The following SIRT5 variants were observed in gnomAD, a reference collection of about 807,000 sequenced individuals.
The protein encoded by SIRT5 is sirtuin 5.
SIRT5 carries 26 observed loss-of-function variants against 40.0 expected under a neutral mutation model. The observed-to-expected ratio is 0.65, with a 90% CI of 0.48 to 0.90. The LOEUF is 0.90. Among genes scored for constraint, SIRT5 ranks in the 40% least tolerant of loss-of-function variants. SIRT5 has a pLI of 0.00. For missense variants in SIRT5, 401 were observed against 402.4 expected (o/e 1.00, Z 0.03); for synonymous variants, 146 against 149.1 (o/e 0.98, Z 0.15).
intron 1 of SIRT5, among the ~76,000 whole-genome samples, chr6:13,578,632 A>G (rs992179765): frequency 7.3e-5 from 11 of 151,458 alleles, no homozygotes; most frequent in East Asian, 1.9e-4. Context: ...AAAAAAAAAA[A>G]AAAAAGAAAA....
chr6:13,574,533 G>A (rs1274860606), upstream of SIRT5: 1 of 152,316 alleles, frequency 6.6e-6, no homozygotes, highest in Non-Finnish European at 1.5e-5. Context: ...GAAGGGATGT[G>A]GGGGATGGTG....
chr6:13,590,442 T>C (rs1056391343), intron 4 of SIRT5, among the ~76,000 whole-genome samples: 15 of 152,210 alleles, frequency 9.9e-5, no homozygotes, highest in Admixed American at 9.2e-4. Flanking sequence ...TGTGTTTAGT[T>C]GTGTGTGTAG....
intron 9 of SIRT5, among the ~76,000 whole-genome samples, chr6:13,609,095 T>C (rs1763502644): frequency 6.6e-6 from 1 of 152,218 alleles, no homozygotes; most frequent in African/African-American, 2.4e-5. Context: ...GTGCTGGAAT[T>C]ACAGGCGTGA....
In SIRT5 at chr6:13,612,340, C is replaced by CT. The variant is rs368093809; in HGVS notation, c.*492dup. The CT allele has an allele frequency of 0.19, 24,966 of 133,384 alleles. 2,530 individuals carry two copies. Among genetic ancestry groups the CT allele is most frequent in the African/African-American group, 0.25 (8,979 of 35,898 alleles). The allele number at this position is 133,384 out of a possible 1,614,324, so 8.3% of individuals were successfully genotyped here. A position where few individuals can be genotyped will look rare whatever the true frequency, so the allele number is the denominator to read the frequency against. Reference sequence around the variant, plus strand: ...CCCCACGATATGGCTTTATTAGGGACTTTTTTTTTTTTTTTTTGAGACAGA... The same window carrying CT: ...CCCCACGATATGGCTTTATTAGGGACTTTTTTTTTTTTTTTTTTGAGACAGA... On this transcript the variant is annotated 3_prime_UTR_variant, in exon 10 of 10. Coordinates refer to ENST00000606117, the MANE Select transcript of SIRT5 (RefSeq NM_012241.5).
At chr6:13,586,277 GTT>G (rs528440767) in intron 3 of SIRT5, among the ~76,000 whole-genome samples, 222 of 152,274 alleles carry the variant, frequency 1.5e-3, no homozygotes, top group Admixed American at 3.7e-3. Context: ...TTTGGCTTTT[GTT>G]GCCATTGCTT....
At chr6:13,582,527 G>T (rs1475092518) in intron 2 of SIRT5, among the ~76,000 whole-genome samples, 2 of 146,046 alleles carry the variant, frequency 1.4e-5, no homozygotes, top group South Asian at 2.2e-4. Context: ...CCCTTTGTTA[G>T]TATTGAGTTT....
chr6:13,582,447 C>T (rs1759469277), intron 2 of SIRT5, among the ~76,000 whole-genome samples: 4 of 152,050 alleles, frequency 2.6e-5, no homozygotes, highest in African/African-American at 7.3e-5. Flanking sequence ...CCCCTGAACT[C>T]ATTTCATCTT....
At chr6:13,592,305 G>A (rs932524987) in intron 5 of SIRT5, among the ~76,000 whole-genome samples, 5 of 152,236 alleles carry the variant, frequency 3.3e-5, no homozygotes, top group African/African-American at 9.6e-5. Context: ...GCACAGCTGC[G>A]TGACCCTTTC....
At chr6:13,589,462 T>G (rs1382918546) in intron 4 of SIRT5, 3 of 152,252 alleles carry the variant, frequency 2.0e-5, no homozygotes, top group Non-Finnish European at 4.4e-5. Context: ...TTGTCTCCAG[T>G]TTCCAGAACT....
chr6:13,592,036 G>T, intron 5 of SIRT5, 142 bp downstream of exon 5: 1 of 848,266 alleles, frequency 1.2e-6, no homozygotes, highest in Non-Finnish European at 1.8e-6. Flanking sequence ...TTCCTTTGGG[G>T]ACATGTTAGT....
At chr6:13,594,615 A>G (rs1240566562) in intron 5 of SIRT5, among the ~76,000 whole-genome samples, 1 of 152,232 alleles carries the variant, frequency 6.6e-6, no homozygotes, top group African/African-American at 2.4e-5. Context: ...GATGGACACC[A>G]CATGGGGGCC....
chr6:13,581,433 C>T (rs926815854), intron 2 of SIRT5, among the ~76,000 whole-genome samples: 7 of 152,318 alleles, frequency 4.6e-5, no homozygotes, highest in African/African-American at 1.7e-4. Context: ...TGATGCTTTG[C>T]CCTTCTCATT....
At position 13,593,796 on chromosome 6, in the gene SIRT5, TTA is replaced by T. The variant is rs1761241745; in HGVS notation, c.476-1677_476-1676del. On this transcript the variant is annotated intron_variant, in intron 5 of 9. Transcript: ENST00000606117. ...AAAACTTAGACACGTTCTTTAGAAA[TTA>T]TATCTTTCCAGGCATACATAAAGTA... Among the ~76,000 whole-genome samples the T allele has an allele frequency of 3.9e-5, 6 of 152,196 alleles. No homozygotes were observed. The South Asian group carries it at 1.2e-3, about 31-fold the overall frequency.
intron 2 of SIRT5, among the ~76,000 whole-genome samples, chr6:13,581,294 T>A (rs1460162000): frequency 6.6e-6 from 1 of 152,262 alleles, no homozygotes; most frequent in South Asian, 2.1e-4. Flanking sequence ...TCTCCAGTTC[T>A]TATCTTTCAA....
chr6:13,575,575 T>C (rs1244589346), intron 1 of SIRT5, among the ~76,000 whole-genome samples: 1 of 151,962 alleles, frequency 6.6e-6, no homozygotes. Flanking sequence ...TTTATATATT[T>C]ATAGCGTACA....
At position 13,588,452 on chromosome 6, in the gene SIRT5, A is replaced by G; in HGVS notation, c.237A>G (p.Lys79=). 6.2e-7 allele frequency: 1 copy of G among 1,614,020 alleles called. No homozygotes were observed. Among genetic ancestry groups the G allele is most frequent in the South Asian group, 1.1e-5 (1 of 91,052 alleles). The part of the protein sequence containing the change: ...TFRGAGGYWR[K]WQAQDLATPL... ...GAGGAGCTGGAGGTTATTGGAGAAAATGGCAAGCCCAGGTTTGTAAAGTTT... is the reference window on the plus strand; with the variant it reads ...GAGGAGCTGGAGGTTATTGGAGAAAGTGGCAAGCCCAGGTTTGTAAAGTTT... The change falls in exon 4 of 10, where the codon AAA becomes AAG. Residue 79 remains lysine, a synonymous_variant. Transcript: ENST00000606117.
intron 9 of SIRT5, among the ~76,000 whole-genome samples, chr6:13,609,568 A>C (rs2127738738): frequency 6.6e-6 from 1 of 152,352 alleles, no homozygotes; most frequent in East Asian, 1.9e-4. Flanking sequence ...CCCTTATCTG[A>C]AGCTCTGCAC....
intron 1 of SIRT5, among the ~76,000 whole-genome samples, chr6:13,576,919 T>C (rs1758706174): frequency 6.6e-6 from 1 of 152,228 alleles, no homozygotes; most frequent in Non-Finnish European, 1.5e-5. Flanking sequence ...CCTTTTCCCA[T>C]TGTGTGTTCT....
intron 3 of SIRT5, 103 bp downstream of exon 3, chr6:13,584,328 G>A (rs1282016077): frequency 3.5e-6 from 3 of 845,810 alleles, no homozygotes; most frequent in Non-Finnish European, 5.9e-6. Context: ...ATTGGGCAAG[G>A]TTTTGGAGAA....
Sources: allele counts gnomAD v4.1 joint callset (sites outside exome capture counted in the v4.1 genomes callset), GRCh38; gene constraint gnomAD v4.1.1; transcripts MANE v1.5; gene names NCBI Gene and HGNC (gene_info 2026-07-23, HGNC 2026-07-21).